The following GAB3 variants were observed in gnomAD, a reference collection of about 807,000 sequenced individuals.
GAB3 encodes the protein GRB2 associated binding protein 3.
GAB3 carries 12 observed loss-of-function variants against 40.4 expected under a neutral mutation model. The ratio of observed to expected loss-of-function variants is 0.30; its 90% CI spans 0.19 to 0.48. GAB3 has a LOEUF of 0.48. Among genes scored for constraint, GAB3 ranks in the 20% least tolerant of loss-of-function variants. The pLI, the probability that GAB3 is intolerant of heterozygous loss-of-function variation, is 0.99. For synonymous variants in GAB3, 154 were observed against 176.7 expected (o/e 0.87, Z 1.02); for missense variants, 381 against 461.9 (o/e 0.82, Z 1.61).
At position 154,699,277 on chromosome X, in the gene GAB3, C is replaced by A; in HGVS notation, c.1345+17G>T. On this transcript the variant is annotated intron_variant, in intron 6 of 9. Transcript: ENST00000424127. ...TGCTCCCCTACCCCTGTACAGCAGG[C>A]CTGGTCAAGTGCTTACATTTCCTCT... The A allele has an allele frequency of 8.5e-7, 1 of 1,171,129 alleles. No individual in the cohort carries two copies. The highest frequency in any genetic ancestry group is 2.2e-5 in the Admixed American group (1 of 45,984).
chrX:154,721,404 C>G (rs1208140482), intron 1 of GAB3, among the ~76,000 whole-genome samples: 1 of 112,327 alleles, frequency 8.9e-6, no homozygotes, highest in African/African-American at 3.2e-5. Context: ...CTGTGTCACC[C>G]CATAGCAGAA....
At position 154,716,219 on chromosome X, in the gene GAB3, G is replaced by T. The variant is rs782813970; in HGVS notation, c.183C>A (p.Asp61Glu). The change falls in exon 2 of 10, where the codon GAC becomes GAA. Residue 61 changes from aspartate (D) to glutamate (E), a missense_variant. Asp to Glu is a conservative substitution (Grantham distance 45, BLOSUM62 2). Around this residue, in one of 2 missense-constraint regions of GAB3, gnomAD observed 364 missense variants for 421.0 expected, o/e 0.86. Transcript: ENST00000424127. Reference protein sequence around the residue: ...KHSSKPIRVIDLSECAVWKHV... With the variant: ...KHSSKPIRVIELSECAVWKHV... ...GCTTCCACACTGCACACTCGCTGAG[G>T]TCTATCACCCGGATGGGCTTGCTGG... 2.5e-6 allele frequency: 3 copies of T among 1,212,402 alleles called. No homozygotes were observed. The Admixed American group carries it at 6.5e-5, about 26-fold the overall frequency.
At position 154,678,207 on chromosome X, in the gene GAB3, A is replaced by G. The variant is rs1389457812; in HGVS notation, c.1735T>C (p.Trp579Arg). Residue 579 changes from tryptophan to arginine, a missense_variant, in exon 10 of 10, where the codon TGG becomes CGG. This residue lies in a region of GAB3 where 17 missense variants were observed against 40.9 expected (regional missense o/e 0.42). Transcript: ENST00000424127. ...TQALQSTKQEWTDERQSKV is the reference protein window; with the variant it reads ...TQALQSTKQERTDERQSKV The stretch of plus-strand genomic sequence containing the variant: ...ACTTTGGATTGCCTTTCATCCGTCC[A>G]CTCCTGTTTTGTGCTCTGGAGAGCC... 1.7e-6 allele frequency: 2 copies of G among 1,187,338 alleles called. No individual in the cohort carries two copies. Among genetic ancestry groups the G allele is most frequent in the Non-Finnish European group, 2.3e-6 (2 of 876,025 alleles).
chrX:154,701,759 A>G (rs1369885474), intron 4 of GAB3, among the ~76,000 whole-genome samples: 1 of 112,332 alleles, frequency 8.9e-6, no homozygotes, highest in Non-Finnish European at 1.9e-5. Flanking sequence ...AATCCCATAT[A>G]CAATAGCCAC....
chrX:154,736,140 G>T (rs1249897205), intron 1 of GAB3, among the ~76,000 whole-genome samples: 3 of 112,687 alleles, frequency 2.7e-5, no homozygotes, highest in African/African-American at 9.7e-5. Context: ...AGCGGTGCTA[G>T]TAATACAATA....
At chrX:154,735,384 A>G (rs2071351224) in intron 1 of GAB3, among the ~76,000 whole-genome samples, 1 of 111,858 alleles carries the variant, frequency 8.9e-6, no homozygotes, top group African/African-American at 3.3e-5. Context: ...TGAAATGAAA[A>G]GTCTATAACT....
At position 154,695,597 on chromosome X, in the gene GAB3, T is replaced by C. The variant is rs781837536; in HGVS notation, c.1530+320A>G. On this transcript the variant is annotated intron_variant, in intron 8 of 9. Coordinates refer to ENST00000424127, the MANE Select transcript of GAB3 (RefSeq NM_001081573.3). ...GGACATCCAGAGAACTACAAACCTA[T>C]TGGGGTCAAACAGGACATCACAGCC... Among the ~76,000 whole-genome samples the C allele has an allele frequency of 2.7e-5, 3 of 112,360 alleles. No individual in the cohort carries two copies. The Admixed American group carries it at 2.8e-4, about 11-fold the overall frequency.
chrX:154,697,074 C>T lies in GAB3; in HGVS notation c.1427+58G>A, dbSNP rs1331529014. 3.2e-6 allele frequency: 3 copies of T among 952,164 alleles called. No homozygotes were observed. In the African/African-American group the frequency reaches 5.8e-5, roughly 18 times the overall value. 78.5% of individuals were successfully genotyped at this position (952,164 alleles called of 1,213,427 possible). On this transcript the variant is annotated intron_variant, in intron 7 of 9. Transcript: ENST00000424127. The stretch of plus-strand genomic sequence containing the variant: ...GGCTTCAACTACATTTAATCAGAGG[C>T]CTAACACACACCGGGGTGTCTGTGC...
chrX:154,747,552 G>C (rs1416142241), intron 1 of GAB3, among the ~76,000 whole-genome samples: 11 of 112,153 alleles, frequency 9.8e-5, no homozygotes, highest in Non-Finnish European at 2.1e-4. Context: ...TGTAATCCCA[G>C]CACTTTAGAA....
chrX:154,712,369 G>T lies in GAB3; in HGVS notation c.929C>A (p.Pro310His). The T allele has an allele frequency of 1.7e-6, 2 of 1,211,518 alleles. No individual in the cohort carries two copies. The highest frequency in any genetic ancestry group is 5.9e-5 in the East Asian group (2 of 33,851). Residue 310 changes from proline to histidine, a missense_variant, in exon 4 of 10, where the codon CCC becomes CAC. Pro to His is a moderately conservative substitution (Grantham distance 77, BLOSUM62 -2). This residue lies in a region of GAB3 where 364 missense variants were observed against 421.0 expected (regional missense o/e 0.86). Coordinates refer to ENST00000424127, the MANE Select transcript of GAB3 (RefSeq NM_001081573.3). ...CAGATGGCTTGGCTTAGGGGGGCGGGGAGGTGGAGTGTTGGACATAATGTC... is the reference window on the plus strand; with the variant it reads ...CAGATGGCTTGGCTTAGGGGGGCGGTGAGGTGGAGTGTTGGACATAATGTC... ...ELDIMSNTPP[P>H]RPPKPSHLSE... is the part of the protein sequence containing the mutation.
intron 1 of GAB3, among the ~76,000 whole-genome samples, chrX:154,729,971 C>G (rs1557259819): frequency 1.8e-5 from 2 of 112,089 alleles, no homozygotes; most frequent in Admixed American, 9.4e-5. Context: ...TGGTTGATGA[C>G]CCTTCAAGAT....
At position 154,677,088 on chromosome X, in the gene GAB3, T is replaced by C. The variant is rs2070307011; in HGVS notation, c.*1090A>G. 8.9e-6 allele frequency: 1 copy of C among 111,904 alleles called. No homozygotes were observed. The highest frequency in any genetic ancestry group is 1.9e-5 in the Non-Finnish European group (1 of 53,141). 9.2% of individuals were successfully genotyped at this position (111,904 alleles called of 1,213,427 possible). Reference sequence around the variant, plus strand: ...TCTGCTAGCTCACAGGGAAACACACTGTATAGGTGACCATGAGAATGGCCT... The same window carrying C: ...TCTGCTAGCTCACAGGGAAACACACCGTATAGGTGACCATGAGAATGGCCT... On this transcript the variant is annotated 3_prime_UTR_variant, in exon 10 of 10. Coordinates refer to ENST00000424127, the MANE Select transcript of GAB3 (RefSeq NM_001081573.3).
At chrX:154,681,554 T>C (rs1385654762) in intron 8 of GAB3, among the ~76,000 whole-genome samples, 1 of 111,021 alleles carries the variant, frequency 9.0e-6, no homozygotes, top group East Asian at 2.8e-4. Context: ...ATCATGTATG[T>C]TGCAGATAGC....
At chrX:154,685,232 T>A (rs1282587404) in intron 8 of GAB3, among the ~76,000 whole-genome samples, 2 of 111,747 alleles carry the variant, frequency 1.8e-5, no homozygotes, top group Non-Finnish European at 3.8e-5. Flanking sequence ...TATTTTATAT[T>A]CAAAATCCAG....
intron 1 of GAB3, among the ~76,000 whole-genome samples, chrX:154,736,678 G>A (rs1557260567): frequency 8.9e-6 from 1 of 112,587 alleles, no homozygotes; most frequent in African/African-American, 3.2e-5. Context: ...TGCAGGGGCA[G>A]GGAGAATAAG....
chrX:154,708,982 C>G (rs189641256), intron 4 of GAB3, among the ~76,000 whole-genome samples: 17 of 111,829 alleles, frequency 1.5e-4, no homozygotes, highest in Middle Eastern at 4.6e-3. Context: ...CCACAAATCT[C>G]ATGTTGAATT....
At chrX:154,679,568 C>T (rs2070345989) in intron 9 of GAB3, among the ~76,000 whole-genome samples, 1 of 112,084 alleles carries the variant, frequency 8.9e-6, no homozygotes, top group Middle Eastern at 4.6e-3. Context: ...TCATTCCTTA[C>T]GCTGTACAGT....
chrX:154,709,566 C>A (rs1445427632), intron 4 of GAB3, among the ~76,000 whole-genome samples: 1 of 109,430 alleles, frequency 9.1e-6, no homozygotes, highest in African/African-American at 3.3e-5. Flanking sequence ...GATCTGCCCG[C>A]CCCCGCCTCC....
In GAB3 at chrX:154,751,011, G is replaced by T; in HGVS notation, c.15C>A (p.Asp5Glu). 1.2e-6 allele frequency: 1 copy of T among 822,824 alleles called. No homozygotes were observed. Among genetic ancestry groups the T allele is most frequent in the Non-Finnish European group, 1.5e-6 (1 of 676,298 alleles). The allele number at this position is 822,824 out of a possible 1,213,427, so 67.8% of individuals were successfully genotyped here. A position where few individuals can be genotyped will look rare whatever the true frequency, so the allele number is the denominator to read the frequency against. MSAGDAVCTGWLVKS... is the reference protein window; with the variant it reads MSAGEAVCTGWLVKS... Reference sequence around the variant, plus strand: ...TAACGAGCCAGCCGGTGCACACTGCGTCGCCCGCACTCATCGTGGCCGCCG... The same window carrying T: ...TAACGAGCCAGCCGGTGCACACTGCTTCGCCCGCACTCATCGTGGCCGCCG... Residue 5 changes from aspartate to glutamate, a missense_variant, in exon 1 of 10, where the codon GAC becomes GAA. Asp to Glu is a conservative substitution (Grantham distance 45, BLOSUM62 2). Coordinates refer to ENST00000424127, the MANE Select transcript of GAB3 (RefSeq NM_001081573.3).
Sources: gnomAD v4.1 joint callset for allele counts (sites outside exome capture counted in the v4.1 genomes callset) on GRCh38, gnomAD v4.1.1 for gene constraint, gnomAD v4.1.1 regional missense constraint, MANE v1.5 for transcripts, NCBI Gene and HGNC (gene_info 2026-07-23, HGNC 2026-07-21) for gene names.